The following MGAT5B variants were observed in gnomAD, a reference collection of about 807,000 sequenced individuals.
The protein encoded by MGAT5B is N-acetylglucosaminyl-transferase Vb.
A neutral mutation model predicts 95.1 loss-of-function variants in MGAT5B; 54 were observed. The ratio of observed to expected loss-of-function variants is 0.57; its 90% CI spans 0.46 to 0.71. The LOEUF is 0.71. Ranked by LOEUF, MGAT5B falls within the 30% of genes least tolerant of loss-of-function variation. MGAT5B has a pLI of 0.00. For synonymous variants in MGAT5B, 464 were observed against 451.0 expected (o/e 1.03, Z -0.36); for missense variants, 935 against 1,088.6 (o/e 0.86, Z 1.99).
intron 3 of MGAT5B, among the ~76,000 whole-genome samples, chr17:76,891,108 G>A (rs1249563195): frequency 6.6e-6 from 1 of 151,134 alleles, no homozygotes; most frequent in East Asian, 2.0e-4. Context: ...GGGATTACAG[G>A]TGCACACCAC....
At chr17:76,944,948 C>T (rs1369314883) in intron 15 of MGAT5B, among the ~76,000 whole-genome samples, 2 of 152,314 alleles carry the variant, frequency 1.3e-5, no homozygotes, top group South Asian at 2.1e-4. Context: ...AAAGCGGCCT[C>T]ATTAGGAGAT....
chr17:76,933,274 C>T lies in MGAT5B; in HGVS notation c.1423-18C>T. Reference sequence around the variant, plus strand: ...GTCTCTCTCTCTGTTCCTTGTGCTCCCCCTGGCCACGAGGCAGCTCCAGGT... The same window carrying T: ...GTCTCTCTCTCTGTTCCTTGTGCTCTCCCTGGCCACGAGGCAGCTCCAGGT... On this transcript the variant is annotated intron_variant, in intron 11 of 17. Coordinates refer to ENST00000569840, the MANE Select transcript of MGAT5B (RefSeq NM_001199172.2). 1 of 1,598,286 alleles carries T rather than the reference C, an allele frequency of 6.3e-7. No homozygotes were observed. Among genetic ancestry groups the T allele is most frequent in the Non-Finnish European group, 8.5e-7 (1 of 1,179,728 alleles).
chr17:76,888,749 T>C (rs6501926), intron 3 of MGAT5B, among the ~76,000 whole-genome samples: 25,840 of 151,984 alleles, frequency 0.17, 3,268 homozygotes, highest in African/African-American at 0.32. Context: ...GATTGGGGCC[T>C]GCGAGGAAGT....
intron 16 of MGAT5B, among the ~76,000 whole-genome samples, chr17:76,947,554 A>T (rs1970069984): frequency 6.6e-6 from 1 of 152,142 alleles, no homozygotes; most frequent in Admixed American, 6.5e-5. Flanking sequence ...GGCACACAGG[A>T]TGCAGAGGGC....
At chr17:76,935,713 C>T (rs922236681) in intron 12 of MGAT5B, among the ~76,000 whole-genome samples, 6 of 144,456 alleles carry the variant, frequency 4.2e-5, no homozygotes, top group Non-Finnish European at 9.0e-5. Flanking sequence ...TTTATATATC[C>T]TGGATCCAAG....
chr17:76,872,817 C>T (rs1337765208), intron 1 of MGAT5B, 34 bp from the exon 2 acceptor site: 1 of 1,614,184 alleles, frequency 6.2e-7, no homozygotes, highest in Non-Finnish European at 8.5e-7. Context: ...ATGGCCCTTC[C>T]TGCCCTCCTG....
chr17:76,936,760 G>A (rs1969686782), intron 12 of MGAT5B, among the ~76,000 whole-genome samples: 3 of 152,084 alleles, frequency 2.0e-5, no homozygotes, highest in African/African-American at 7.2e-5. Context: ...ACTGTGTGTG[G>A]GTCTATTTCT....
chr17:76,888,389 C>T (rs542431921), intron 3 of MGAT5B, among the ~76,000 whole-genome samples: 20 of 152,096 alleles, frequency 1.3e-4, no homozygotes, highest in African/African-American at 3.4e-4. Context: ...CCTGCTCCGG[C>T]GCTCATGTTT....
chr17:76,894,029 T>C (rs978370051), intron 3 of MGAT5B, among the ~76,000 whole-genome samples: 16 of 152,204 alleles, frequency 1.1e-4, no homozygotes, highest in South Asian at 1.0e-3. Context: ...CTTTTTCTGA[T>C]TGATTGAAGC....
chr17:76,897,733 T>TTCTTTCTTTCTTTCTTC (rs1304460667), intron 3 of MGAT5B, among the ~76,000 whole-genome samples: 1 of 69,388 alleles, frequency 1.4e-5, no homozygotes, highest in South Asian at 6.3e-4. Flanking sequence ...TTCTTTTTCT[T>TTCTTTCTTTCTTTCTTC]TTTTTTTTTT....
In MGAT5B at chr17:76,870,413, C is replaced by T. The variant is rs1403014323; in HGVS notation, c.68+1316C>T. 6.6e-6 allele frequency among the ~76,000 whole-genome samples: 1 copy of T among 152,130 alleles called. No homozygotes were observed. The highest frequency in any genetic ancestry group is 1.5e-5 in the Non-Finnish European group (1 of 68,004). ...GGAAGCAGGCGTCTCTGGAAAGGGC[C>T]TTGCTCCTCCAGGGAAGGCCTTGAA... On this transcript the variant is annotated intron_variant, in intron 1 of 17. Transcript: ENST00000569840. This position sits in a 1 kb window ranked among gnomAD's most constrained non-coding sequence, Gnocchi z 5.0.
intron 3 of MGAT5B, 113 bp from the exon 4 acceptor site, chr17:76,902,442 G>C (rs527672046): frequency 2.8e-6 from 2 of 719,118 alleles, no homozygotes; most frequent in African/African-American, 1.8e-5. Flanking sequence ...GGGTTTGGGA[G>C]CCTGGGGCAT....
At chr17:76,920,837 C>T (rs1296926588) in intron 8 of MGAT5B, among the ~76,000 whole-genome samples, 1 of 152,228 alleles carries the variant, frequency 6.6e-6, no homozygotes, top group Non-Finnish European at 1.5e-5. Context: ...CCCATACTCT[C>T]TCTCCAGAGA....
intron 3 of MGAT5B, among the ~76,000 whole-genome samples, chr17:76,882,705 C>CTTT (rs763528809): frequency 3.8e-4 from 27 of 70,154 alleles, no homozygotes; most frequent in African/African-American, 1.3e-3. Flanking sequence ...TCCACTGCCC[C>CTTT]TTTTTTTTTT....
rs888053621 is a variant in MGAT5B, at chr17:76,870,035, G to A, written c.68+938G>A. Among the ~76,000 whole-genome samples the A allele has an allele frequency of 6.6e-6, 1 of 152,192 alleles. No individual in the cohort carries two copies. Among genetic ancestry groups the A allele is most frequent in the Non-Finnish European group, 1.5e-5 (1 of 68,018 alleles). ...CAGCGAGGAAGCTGGGGGAGTGACC[G>A]CCCCGGCGCGGGGGCCGGACTCGGG... On this transcript the variant is annotated intron_variant, in intron 1 of 17. Transcript: ENST00000569840. The surrounding 1 kb of genome is among the most constrained non-coding windows in gnomAD (Gnocchi z 5.0).
chr17:76,873,800 G>A (rs887436053), intron 2 of MGAT5B, among the ~76,000 whole-genome samples: 1 of 152,230 alleles, frequency 6.6e-6, no homozygotes, highest in Non-Finnish European at 1.5e-5. Context: ...GGGAAACTGA[G>A]GCAAGTAGGT....
At chr17:76,937,200 G>A (rs1037826519) in intron 12 of MGAT5B, among the ~76,000 whole-genome samples, 1 of 152,250 alleles carries the variant, frequency 6.6e-6, no homozygotes, top group South Asian at 2.1e-4. Flanking sequence ...GCAAGGACTG[G>A]TCTAGCTCTG....
intron 2 of MGAT5B, among the ~76,000 whole-genome samples, chr17:76,881,536 C>A (rs1379948696): frequency 3.3e-5 from 5 of 152,208 alleles, no homozygotes; most frequent in Non-Finnish European, 7.3e-5. Flanking sequence ...AACACAGGCT[C>A]CCAACTTCCC....
At chr17:76,899,245 A>AT (rs1185016173) in intron 3 of MGAT5B, among the ~76,000 whole-genome samples, 2 of 151,640 alleles carry the variant, frequency 1.3e-5, no homozygotes, top group African/African-American at 4.9e-5. Flanking sequence ...GTTTTTCTCC[A>AT]TTTTGCGTGC....
Sources: gnomAD v4.1 joint callset for allele counts (sites outside exome capture counted in the v4.1 genomes callset) on GRCh38, gnomAD v4.1.1 for gene constraint, Gnocchi (gnomAD v3.1) non-coding constraint, MANE v1.5 for transcripts, NCBI Gene and HGNC (gene_info 2026-07-23, HGNC 2026-07-21) for gene names.